The following UNC5C variants were observed in gnomAD, a reference collection of about 807,000 sequenced individuals.
UNC5C encodes unc-5 netrin receptor C.
Under a neutral mutation model 99.8 loss-of-function variants are expected in UNC5C, and 47 were observed. The observed-to-expected ratio is 0.47, with a 90% CI of 0.37 to 0.60. UNC5C has a LOEUF of 0.60. UNC5C is among the 20% of genes least tolerant of loss of function. UNC5C has a pLI of 0.00. For missense variants in UNC5C, 1,062 were observed against 1,165.9 expected (o/e 0.91, Z 1.30); for synonymous variants, 487 against 452.2 (o/e 1.08, Z -0.98).
intron 14 of UNC5C, among the ~76,000 whole-genome samples, chr4:95,180,729 G>C (rs897564949): frequency 4.6e-5 from 7 of 152,154 alleles, no homozygotes; most frequent in South Asian, 2.1e-4. Context: ...TGCGTCCGGT[G>C]GTGGGTGGCT....
At chr4:95,424,987 C>T (rs892647109) in intron 1 of UNC5C, among the ~76,000 whole-genome samples, 1 of 152,064 alleles carries the variant, frequency 6.6e-6, no homozygotes, top group Non-Finnish European at 1.5e-5. Context: ...CGGCTGTATT[C>T]TTGATCATTT....
intron 2 of UNC5C, among the ~76,000 whole-genome samples, chr4:95,329,119 C>T (rs1282271662): frequency 6.6e-6 from 1 of 151,964 alleles, no homozygotes; most frequent in Non-Finnish European, 1.5e-5. Context: ...TAGCAAGACC[C>T]CATCTCTACA....
At chr4:95,289,402 A>T (rs962658337) in intron 3 of UNC5C, among the ~76,000 whole-genome samples, 1 of 152,202 alleles carries the variant, frequency 6.6e-6, no homozygotes, top group African/African-American at 2.4e-5. Flanking sequence ...TCATGTTGTT[A>T]TCTGCTGCTG....
At chr4:95,530,485 A>T (rs570120218) in intron 1 of UNC5C, among the ~76,000 whole-genome samples, 1 of 152,358 alleles carries the variant, frequency 6.6e-6, no homozygotes, top group South Asian at 2.1e-4. Flanking sequence ...TCATTTAAAA[A>T]TGCAAAACAC....
chr4:95,419,531 G>T (rs1746260271), intron 1 of UNC5C, among the ~76,000 whole-genome samples: 1 of 152,188 alleles, frequency 6.6e-6, no homozygotes, highest in Admixed American at 6.5e-5. Flanking sequence ...GAGAGGATAT[G>T]CTATGGCTCT....
At chr4:95,428,934 A>G (rs1188341875) in intron 1 of UNC5C, among the ~76,000 whole-genome samples, 2 of 151,982 alleles carry the variant, frequency 1.3e-5, no homozygotes, top group African/African-American at 4.8e-5. Context: ...CACCACCCAG[A>G]TCCTTAACTG....
At chr4:95,347,113 T>C (rs186295212) in intron 1 of UNC5C, among the ~76,000 whole-genome samples, 1 of 152,012 alleles carries the variant, frequency 6.6e-6, no homozygotes, top group African/African-American at 2.4e-5. Context: ...CATTTCTATA[T>C]GCCAACAGCA....
At chr4:95,417,297 G>A (rs965373502) in intron 1 of UNC5C, among the ~76,000 whole-genome samples, 6 of 152,262 alleles carry the variant, frequency 3.9e-5, no homozygotes, top group African/African-American at 9.6e-5. Flanking sequence ...TATTAGCCCC[G>A]TAAGTCCTGA....
intron 3 of UNC5C, among the ~76,000 whole-genome samples, chr4:95,292,331 G>A (rs1741507079): frequency 6.7e-6 from 1 of 149,740 alleles, no homozygotes; most frequent in Non-Finnish European, 1.5e-5. Context: ...GTGCAGTAGT[G>A]CGATCTCAGC....
chr4:95,346,179 G>T (rs763108690), intron 1 of UNC5C, among the ~76,000 whole-genome samples: 3 of 151,786 alleles, frequency 2.0e-5, no homozygotes, highest in African/African-American at 7.2e-5. Flanking sequence ...TTGGAAAATG[G>T]AGAAGAAATG....
intron 1 of UNC5C, among the ~76,000 whole-genome samples, chr4:95,458,815 C>T (rs1747515291): frequency 6.6e-6 from 1 of 151,932 alleles, no homozygotes; most frequent in South Asian, 2.1e-4. Context: ...GCTGTTATTA[C>T]TATTATTTAA....
intron 1 of UNC5C, among the ~76,000 whole-genome samples, chr4:95,412,263 C>T (rs923974959): frequency 6.6e-6 from 1 of 152,088 alleles, no homozygotes; most frequent in Admixed American, 6.5e-5. Context: ...TCCTCTTCAC[C>T]ACGTTAATAT....
At chr4:95,479,959 C>A (rs972339980) in intron 1 of UNC5C, among the ~76,000 whole-genome samples, 11 of 148,702 alleles carry the variant, frequency 7.4e-5, no homozygotes, top group Admixed American at 6.7e-5. Context: ...ACAGAAAATT[C>A]TGTCTCTTTC....
intron 4 of UNC5C, among the ~76,000 whole-genome samples, chr4:95,262,458 T>A (rs1395900248): frequency 6.6e-6 from 1 of 152,190 alleles, no homozygotes; most frequent in African/African-American, 2.4e-5. Context: ...ATTGATTTCA[T>A]CCTGTTTCAT....
At chr4:95,345,022 G>T (rs532093917) in intron 1 of UNC5C, among the ~76,000 whole-genome samples, 410 of 103,202 alleles carry the variant, frequency 4.0e-3, no homozygotes, top group Non-Finnish European at 5.6e-3. Flanking sequence ...ACTATGAATT[G>T]ATTAAACCAA....
chr4:95,248,670 T>G, intron 5 of UNC5C: 1 of 430,792 alleles, frequency 2.3e-6, no homozygotes, highest in South Asian at 1.7e-5. Flanking sequence ...GGGTGACAAA[T>G]TCTTAACTCC....
At chr4:95,240,545 A>C (rs1303629614) in intron 7 of UNC5C, among the ~76,000 whole-genome samples, 2 of 152,232 alleles carry the variant, frequency 1.3e-5, no homozygotes, top group African/African-American at 2.4e-5. Context: ...GCAGAAATAA[A>C]TAGCTTTAAA....
rs758900943 is a variant in UNC5C, at chr4:95,245,196, C to A, written c.776-52G>T. 30 of 1,498,904 alleles carry A rather than the reference C, an allele frequency of 2.0e-5. No individual in the cohort carries two copies. In the African/African-American group the frequency reaches 3.8e-4, roughly 19 times the overall value. 92.9% of individuals were successfully genotyped at this position (1,498,904 alleles called of 1,614,324 possible). A position where few individuals can be genotyped will look rare whatever the true frequency, so the allele number is the denominator to read the frequency against. On this transcript the variant is annotated intron_variant, in intron 5 of 15. Transcript: ENST00000453304. Reference sequence around the variant, plus strand: ...GGATTAAACATGTGTGCATGCACAACACACATGGACACACAAAACAGACAC... The same window carrying A: ...GGATTAAACATGTGTGCATGCACAAAACACATGGACACACAAAACAGACAC...
At chr4:95,379,917 A>G (rs1745016692) in intron 1 of UNC5C, among the ~76,000 whole-genome samples, 2 of 152,160 alleles carry the variant, frequency 1.3e-5, no homozygotes, top group African/African-American at 4.8e-5. Flanking sequence ...TTGGGCTTGT[A>G]GGTGTGTTAA....
Sources: allele counts gnomAD v4.1 joint callset (sites outside exome capture counted in the v4.1 genomes callset), GRCh38; gene constraint gnomAD v4.1.1; transcripts MANE v1.5; gene names NCBI Gene and HGNC (gene_info 2026-07-23, HGNC 2026-07-21).